XRCC4: variants seen among roughly 807,000 people sequenced by gnomAD.
XRCC4 encodes the protein DNA repair protein XRCC4.
In XRCC4, 28 loss-of-function variants were observed where a neutral mutation model predicts 39.1. The observed-to-expected ratio is 0.72, with a 90% CI of 0.53 to 0.98. The LOEUF (loss-of-function observed/expected upper bound fraction) is 0.98. Among genes scored for constraint, XRCC4 ranks in the 50% least tolerant of loss-of-function variants. XRCC4 has a pLI of 0.00. For synonymous variants in XRCC4, 123 were observed against 126.4 expected, an observed-to-expected ratio of 0.97 and a Z score of 0.18; for missense variants, 350 against 376.4, an observed-to-expected ratio of 0.93 and a Z score of 0.58.
chr5:83,281,523 G>A (rs1438619554), intron 7 of XRCC4, among the ~76,000 whole-genome samples: 2 of 148,066 alleles, frequency 1.4e-5, no homozygotes, highest in African/African-American at 4.9e-5. Flanking sequence ...TTTTAATTTT[G>A]TACCATCATT....
chr5:83,120,148 C>T (rs1476429525), intron 3 of XRCC4, among the ~76,000 whole-genome samples: 2 of 152,170 alleles, frequency 1.3e-5, no homozygotes, highest in African/African-American at 4.8e-5. Flanking sequence ...TAATCTACTT[C>T]AGCATGCAAT....
intron 3 of XRCC4, among the ~76,000 whole-genome samples, chr5:83,157,051 A>G (rs1748998271): frequency 6.6e-6 from 1 of 152,138 alleles, no homozygotes; most frequent in Admixed American, 6.5e-5. Flanking sequence ...AAACACTGGT[A>G]AAGGAAGATT....
At chr5:83,307,478 T>A (rs1755529211) in intron 7 of XRCC4, among the ~76,000 whole-genome samples, 1 of 152,206 alleles carries the variant, frequency 6.6e-6, no homozygotes, top group African/African-American at 2.4e-5. Flanking sequence ...AGGATTTGTG[T>A]CTTAAGAGAA....
chr5:83,346,374 A>G, intron 7 of XRCC4, among the ~76,000 whole-genome samples: 1 of 152,344 alleles, frequency 6.6e-6, no homozygotes, highest in East Asian at 1.9e-4. Flanking sequence ...GATTCAGAAT[A>G]TCTAGATTCA....
intron 6 of XRCC4, among the ~76,000 whole-genome samples, chr5:83,247,907 T>C (rs978510750): frequency 5.3e-5 from 8 of 152,234 alleles, no homozygotes; most frequent in African/African-American, 1.9e-4. Context: ...TTTTTCATTT[T>C]TCTTGATTAA....
chr5:83,356,567 A>G (rs769768211), downstream of XRCC4, among the ~76,000 whole-genome samples: 5 of 152,210 alleles, frequency 3.3e-5, no homozygotes, highest in Non-Finnish European at 7.3e-5. Context: ...TAATAAGCCT[A>G]TAATCTTGGG....
At chr5:83,232,462 A>G (rs1752528298) in intron 6 of XRCC4, among the ~76,000 whole-genome samples, 1 of 152,076 alleles carries the variant, frequency 6.6e-6, no homozygotes, top group Admixed American at 6.6e-5. Context: ...CTGCTCCACA[A>G]AGGTCTTTAG....
At chr5:83,251,169 A>G (rs1255674825) in intron 6 of XRCC4, among the ~76,000 whole-genome samples, 2 of 152,214 alleles carry the variant, frequency 1.3e-5, no homozygotes, top group Non-Finnish European at 2.9e-5. Flanking sequence ...TGAGTGGAGG[A>G]ATAAATGAAT....
intron 7 of XRCC4, among the ~76,000 whole-genome samples, chr5:83,313,841 T>C (rs1431550107): frequency 6.6e-6 from 1 of 152,156 alleles, no homozygotes; most frequent in African/African-American, 2.4e-5. Flanking sequence ...AATTTTTCTC[T>C]GTAGACCATA....
At chr5:83,248,457 A>G (rs1252619569) in intron 6 of XRCC4, among the ~76,000 whole-genome samples, 1 of 152,176 alleles carries the variant, frequency 6.6e-6, no homozygotes, top group African/African-American at 2.4e-5. Flanking sequence ...AGATCTAAGA[A>G]CTGTTTATGT....
chr5:83,228,850 A>T (rs892371567), intron 6 of XRCC4, among the ~76,000 whole-genome samples: 1 of 152,022 alleles, frequency 6.6e-6, no homozygotes, highest in African/African-American at 2.4e-5. Context: ...TTTTTATTTT[A>T]AACATTGTAC....
At chr5:83,268,554 C>G (rs1754033473) in intron 7 of XRCC4, among the ~76,000 whole-genome samples, 1 of 152,124 alleles carries the variant, frequency 6.6e-6, no homozygotes, top group Non-Finnish European at 1.5e-5. Flanking sequence ...AAGGGTTACT[C>G]AGGAAGGTGT....
chr5:83,221,707 A>G (rs1023314743), intron 6 of XRCC4, among the ~76,000 whole-genome samples: 6 of 152,016 alleles, frequency 3.9e-5, no homozygotes, highest in African/African-American at 1.4e-4. Context: ...ATTTATGCTC[A>G]GTCCTAGATT....
intron 6 of XRCC4, among the ~76,000 whole-genome samples, chr5:83,234,098 G>A (rs1752599438): frequency 6.6e-6 from 1 of 151,952 alleles, no homozygotes; most frequent in Non-Finnish European, 1.5e-5. Flanking sequence ...GAGAAAATTA[G>A]GTAATCTGCA....
chr5:83,328,051 C>T (rs1417476440), intron 7 of XRCC4, among the ~76,000 whole-genome samples: 3 of 152,098 alleles, frequency 2.0e-5, no homozygotes. Context: ...TTTAATTGGA[C>T]TTACAGGTCC....
chr5:83,210,501 A>G (rs1451073539), intron 6 of XRCC4, among the ~76,000 whole-genome samples: 1 of 152,160 alleles, frequency 6.6e-6, no homozygotes, highest in Non-Finnish European at 1.5e-5. Context: ...AAGATTAAGT[A>G]CGTTACTTTT....
At chr5:83,283,608 G>A (rs1239713755) in intron 7 of XRCC4, among the ~76,000 whole-genome samples, 2 of 152,118 alleles carry the variant, frequency 1.3e-5, no homozygotes, top group Non-Finnish European at 2.9e-5. Context: ...TTCATTAAAT[G>A]TGCATGTTTA....
At chr5:83,149,400 AT>A (rs138846955) in intron 3 of XRCC4, among the ~76,000 whole-genome samples, 3,803 of 152,118 alleles carry the variant, frequency 0.025, 64 homozygotes, top group East Asian at 0.071. Context: ...TGTAATGGAT[AT>A]TTCATTATGT....
At chr5:83,336,567 A>C (rs1397027043) in intron 7 of XRCC4, among the ~76,000 whole-genome samples, 1 of 152,174 alleles carries the variant, frequency 6.6e-6, no homozygotes, top group Non-Finnish European at 1.5e-5. Flanking sequence ...TCAAGAAAGA[A>C]GTATGATTGC....
Sources: allele counts gnomAD v4.1 joint callset (sites outside exome capture counted in the v4.1 genomes callset), GRCh38; gene constraint gnomAD v4.1.1; transcripts MANE v1.5; gene names NCBI Gene and HGNC (gene_info 2026-07-23, HGNC 2026-07-21).